Variants in ZNF385B observed in about 807,000 individuals in gnomAD.
ZNF385B encodes zinc finger protein 385B.
In ZNF385B, 23 loss-of-function variants were observed where a neutral mutation model predicts 39.2. The ratio of observed to expected loss-of-function variants is 0.59; its 90% CI spans 0.42 to 0.83. The LOEUF (loss-of-function observed/expected upper bound fraction) is 0.83. ZNF385B is among the 40% of genes least tolerant of loss of function. The pLI is 0.00. For missense variants in ZNF385B, 552 were observed against 598.9 expected (o/e 0.92, Z 0.82); for synonymous variants, 205 against 222.6 (o/e 0.92, Z 0.70).
intron 3 of ZNF385B, among the ~76,000 whole-genome samples, chr2:179,707,874 G>A (rs1274238567): frequency 6.6e-6 from 1 of 152,206 alleles, no homozygotes; most frequent in African/African-American, 2.4e-5. Context: ...TCAGACTGGG[G>A]CAGAAGCTCA....
intron 1 of ZNF385B, among the ~76,000 whole-genome samples, chr2:179,808,866 G>T (rs1399319359): frequency 6.6e-6 from 1 of 152,154 alleles, no homozygotes; most frequent in Admixed American, 6.5e-5. Context: ...GGAAAATAAA[G>T]TCAGTGGCAA....
At chr2:179,636,682 T>C (rs935202185) in intron 3 of ZNF385B, among the ~76,000 whole-genome samples, 1 of 152,186 alleles carries the variant, frequency 6.6e-6, no homozygotes, top group African/African-American at 2.4e-5. Context: ...CTTGAGAGAA[T>C]CATCACCTCA....
chr2:179,460,406 T>C (rs1051748027), intron 6 of ZNF385B, among the ~76,000 whole-genome samples: 1 of 152,066 alleles, frequency 6.6e-6, no homozygotes, highest in African/African-American at 2.4e-5. Flanking sequence ...CTCCCTAAAA[T>C]TGACCCTCCC....
intron 3 of ZNF385B, among the ~76,000 whole-genome samples, chr2:179,547,060 T>G (rs536123483): frequency 6.7e-6 from 1 of 149,810 alleles, no homozygotes; most frequent in Non-Finnish European, 1.5e-5. Flanking sequence ...CTTTTGCCCA[T>G]TTTTTATTCA....
intron 3 of ZNF385B, among the ~76,000 whole-genome samples, chr2:179,724,974 C>T (rs1175338070): frequency 1.3e-5 from 2 of 152,090 alleles, no homozygotes; most frequent in African/African-American, 4.8e-5. Flanking sequence ...ATCTATGTTG[C>T]TGTTGGTAGG....
chr2:179,765,121 C>G (rs1305313466), intron 3 of ZNF385B, among the ~76,000 whole-genome samples: 1 of 152,184 alleles, frequency 6.6e-6, no homozygotes, highest in African/African-American at 2.4e-5. Flanking sequence ...ATTCCTTTCT[C>G]CTACTGGTTC....
chr2:179,603,163 C>A (rs1688539148), intron 3 of ZNF385B, among the ~76,000 whole-genome samples: 1 of 152,106 alleles, frequency 6.6e-6, no homozygotes, highest in South Asian at 2.1e-4. Context: ...AATGTGGATT[C>A]AAGTTTGGCT....
At chr2:179,634,993 A>T (rs9751198) in intron 3 of ZNF385B, among the ~76,000 whole-genome samples, 45,015 of 140,298 alleles carry the variant, frequency 0.32, 7,220 homozygotes, top group South Asian at 0.43. Flanking sequence ...AAAAAAAAAA[A>T]TAGCCAGGCG....
At chr2:179,784,830 C>T (rs545141398) in intron 1 of ZNF385B, among the ~76,000 whole-genome samples, 4 of 151,990 alleles carry the variant, frequency 2.6e-5, no homozygotes, top group East Asian at 1.9e-4. Flanking sequence ...AACTTGTATA[C>T]GCCGGTGGAA....
chr2:179,614,348 G>A (rs528297053), intron 3 of ZNF385B, among the ~76,000 whole-genome samples: 2 of 152,104 alleles, frequency 1.3e-5, no homozygotes, highest in South Asian at 4.2e-4. Context: ...CTACAACAAT[G>A]CTTGGAATGT....
intron 1 of ZNF385B, among the ~76,000 whole-genome samples, chr2:179,831,375 C>T (rs1012193844): frequency 6.6e-6 from 1 of 151,994 alleles, no homozygotes; most frequent in African/African-American, 2.4e-5. Context: ...TGACTGACTC[C>T]GTTCTGCACT....
intron 3 of ZNF385B, among the ~76,000 whole-genome samples, chr2:179,716,564 A>G (rs1317365267): frequency 6.6e-6 from 1 of 152,222 alleles, no homozygotes; most frequent in African/African-American, 2.4e-5. Flanking sequence ...GTATATTCCA[A>G]AGATATCTTG....
chr2:179,518,463 T>C (rs2058246275), intron 5 of ZNF385B, 65 bp downstream of exon 5: 4 of 1,134,788 alleles, frequency 3.5e-6, no homozygotes, highest in Non-Finnish European at 5.2e-6. Context: ...GAAATGTACG[T>C]ATTTAGATCA....
intron 4 of ZNF385B, among the ~76,000 whole-genome samples, chr2:179,543,662 T>C (rs991742699): frequency 6.6e-6 from 1 of 151,894 alleles, no homozygotes; most frequent in Non-Finnish European, 1.5e-5. Context: ...TCGCCTTTTG[T>C]AACTTTTTTT....
At chr2:179,769,437 C>A (rs1703883965) in intron 3 of ZNF385B, 66 bp downstream of exon 3, 2 of 1,588,010 alleles carry the variant, frequency 1.3e-6, no homozygotes, top group Non-Finnish European at 1.7e-6. Flanking sequence ...TGTTCTAAAT[C>A]CTTCATTTTC....
chr2:179,794,750 TA>T (rs1559201060), intron 1 of ZNF385B, among the ~76,000 whole-genome samples: 1 of 151,972 alleles, frequency 6.6e-6, no homozygotes, highest in African/African-American at 2.4e-5. Flanking sequence ...TCTGCAATCA[TA>T]ATAGAGGAAA....
chr2:179,774,661 T>C (rs1377331910), intron 1 of ZNF385B, among the ~76,000 whole-genome samples: 5 of 152,152 alleles, frequency 3.3e-5, no homozygotes, highest in African/African-American at 4.8e-5. Flanking sequence ...CCGGCCAAGG[T>C]CAATGTTTTC....
intron 5 of ZNF385B, among the ~76,000 whole-genome samples, chr2:179,517,056 T>C (rs546241484): frequency 6.6e-6 from 1 of 152,026 alleles, no homozygotes; most frequent in East Asian, 1.9e-4. Flanking sequence ...CTGACTATAT[T>C]GGTGTGAGTC....
chr2:179,680,003 T>A (rs903687188), intron 3 of ZNF385B, among the ~76,000 whole-genome samples: 4 of 152,354 alleles, frequency 2.6e-5, no homozygotes, highest in African/African-American at 9.6e-5. Context: ...TCTCACTTTC[T>A]TTCTTTTAAG....
Sources: allele counts gnomAD v4.1 joint callset (sites outside exome capture counted in the v4.1 genomes callset), GRCh38; gene constraint gnomAD v4.1.1; transcripts MANE v1.5; gene names NCBI Gene and HGNC (gene_info 2026-07-23, HGNC 2026-07-21).